The following MVB12B variants were observed in gnomAD, a reference collection of about 807,000 sequenced individuals.
The protein encoded by MVB12B is ESCRT-I complex subunit MVB12B.
MVB12B carries 16 observed loss-of-function variants against 41.6 expected under a neutral mutation model. That is an observed-to-expected ratio of 0.38 (90% CI 0.26 to 0.58). The LOEUF is 0.58. Among genes scored for constraint, MVB12B ranks in the 20% least tolerant of loss-of-function variants. MVB12B has a pLI of 0.62. For synonymous variants in MVB12B, 133 were observed against 139.7 expected (o/e 0.95, Z 0.34); for missense variants, 274 against 380.2 (o/e 0.72, Z 2.32).
At position 126,386,554 on chromosome 9, in the gene MVB12B, T is replaced by G. The variant is rs1207866024; in HGVS notation, c.313-8T>G. On this transcript the variant is annotated splice_polypyrimidine_tract_variant and splice_region_variant and intron_variant, in intron 3 of 9. Coordinates refer to ENST00000361171, the MANE Select transcript of MVB12B (RefSeq NM_033446.3). The surrounding 1 kb of genome is among the most constrained non-coding windows in gnomAD (Gnocchi z 4.3). ...TAATAGTCTGTATCTCTTTTCTTTCTTCCCAAGAGTCATCTGGGGAACGTG... is the reference window on the plus strand; with the variant it reads ...TAATAGTCTGTATCTCTTTTCTTTCGTCCCAAGAGTCATCTGGGGAACGTG... 1.2e-6 allele frequency: 2 copies of G among 1,609,986 alleles called. No individual in the cohort carries two copies. The highest frequency in any genetic ancestry group is 3.3e-5 in the Admixed American group (2 of 60,012).
At chr9:126,335,449 T>C (rs1829247547) in intron 1 of MVB12B, 1 of 1,280,362 alleles carries the variant, frequency 7.8e-7, no homozygotes, top group Non-Finnish European at 1.0e-6. Context: ...GCTGGGTTTG[T>C]GTGTGTGGTG....
intron 1 of MVB12B, among the ~76,000 whole-genome samples, chr9:126,331,182 ACT>A (rs1374098139): frequency 6.6e-6 from 1 of 152,208 alleles, no homozygotes; most frequent in Non-Finnish European, 1.5e-5. Flanking sequence ...GAACCACCAC[ACT>A]GTTTTCCATA....
At chr9:126,365,437 A>G (rs1383851082) in intron 2 of MVB12B, among the ~76,000 whole-genome samples, 1 of 150,180 alleles carries the variant, frequency 6.7e-6, no homozygotes, top group Non-Finnish European at 1.5e-5. Context: ...GGTTCAAGTG[A>G]TTCTCCTGTC....
intron 1 of MVB12B, among the ~76,000 whole-genome samples, chr9:126,332,884 C>CT (rs1179845379): frequency 6.6e-6 from 1 of 152,208 alleles, no homozygotes; most frequent in African/African-American, 2.4e-5. Context: ...CTTTGAGTAA[C>CT]TTACGGTCTG....
At chr9:126,494,137 T>C (rs1409219495) in intron 9 of MVB12B, among the ~76,000 whole-genome samples, 1 of 152,226 alleles carries the variant, frequency 6.6e-6, no homozygotes, top group Non-Finnish European at 1.5e-5. Flanking sequence ...CATCTATTTC[T>C]GTTTTCCTAA....
chr9:126,428,884 T>C (rs1832255142), intron 7 of MVB12B, among the ~76,000 whole-genome samples: 1 of 152,128 alleles, frequency 6.6e-6, no homozygotes, highest in Non-Finnish European at 1.5e-5. Flanking sequence ...GCCCTTGTCT[T>C]CAGTGGATAT....
intron 8 of MVB12B, 78 bp downstream of exon 8, chr9:126,481,502 G>T: frequency 2.8e-6 from 3 of 1,076,148 alleles, no homozygotes; most frequent in East Asian, 2.4e-5. Flanking sequence ...TACACAGCAC[G>T]CAGGGCTGTT....
chr9:126,363,113 G>A (rs1319554952), intron 2 of MVB12B, among the ~76,000 whole-genome samples: 1 of 151,894 alleles, frequency 6.6e-6, no homozygotes, highest in East Asian at 1.9e-4. Flanking sequence ...CTTTAACCTG[G>A]GAGGTGGAGG....
At position 126,392,165 on chromosome 9, in the gene MVB12B, A is replaced by G. The variant is rs758687675; in HGVS notation, c.509A>G (p.Lys170Arg). Residue 170 changes from lysine (K) to arginine (R), a missense_variant, in exon 5 of 10, where the codon AAG becomes AGG. By Grantham distance (26) the Lys-to-Arg change is conservative. Transcript: ENST00000361171. The surrounding 1 kb of genome is among the most constrained non-coding windows in gnomAD (Gnocchi z 4.8). ...GACATTCGGATCATGGGCCGGACCA[A>G]GCAGGCCCCGCCTCAGTACACGTTT... ...ICDIRIMGRT[K>R]QAPPQYTFIG... 6.2e-7 allele frequency: 1 copy of G among 1,614,180 alleles called. No individual in the cohort carries two copies. Among genetic ancestry groups the G allele is most frequent in the Non-Finnish European group, 8.5e-7 (1 of 1,180,022 alleles).
chr9:126,444,356 A>G (rs1183041664), intron 7 of MVB12B, among the ~76,000 whole-genome samples: 1 of 152,114 alleles, frequency 6.6e-6, no homozygotes, highest in Non-Finnish European at 1.5e-5. Flanking sequence ...GGTTTTCCAC[A>G]CAAGACTTGC....
chr9:126,413,929 C>T (rs898318144), intron 6 of MVB12B, among the ~76,000 whole-genome samples: 8 of 151,852 alleles, frequency 5.3e-5, no homozygotes, highest in African/African-American at 1.5e-4. Flanking sequence ...ACCACTCTCT[C>T]GACGCTGCCC....
intron 2 of MVB12B, among the ~76,000 whole-genome samples, chr9:126,375,720 C>T (rs1278277690): frequency 6.6e-6 from 1 of 152,188 alleles, no homozygotes; most frequent in Middle Eastern, 3.2e-3. Flanking sequence ...CCTTGCACAT[C>T]GGCAAAGGTC....
intron 7 of MVB12B, among the ~76,000 whole-genome samples, chr9:126,430,309 C>A (rs1832296459): frequency 6.6e-6 from 1 of 152,162 alleles, no homozygotes; most frequent in African/African-American, 2.4e-5. Flanking sequence ...CTGGGTCGCT[C>A]CCTGCGTCCT....
intron 7 of MVB12B, among the ~76,000 whole-genome samples, chr9:126,424,613 C>T (rs907439359): frequency 1.3e-5 from 2 of 152,238 alleles, no homozygotes; most frequent in African/African-American, 4.8e-5. Context: ...TGTTCTTTCA[C>T]ATCCACTCAG....
intron 9 of MVB12B, among the ~76,000 whole-genome samples, chr9:126,489,834 C>G (rs741022): frequency 0.4 from 60,916 of 152,000 alleles, 13,020 homozygotes; most frequent in East Asian, 0.7. Flanking sequence ...CTCATCGTCC[C>G]TCAGCCAGGG....
intron 3 of MVB12B, among the ~76,000 whole-genome samples, chr9:126,381,698 C>T (rs868342978): frequency 1.6e-4 from 24 of 151,738 alleles, no homozygotes; most frequent in Middle Eastern, 6.8e-3. Context: ...CAAATACTTG[C>T]ACCTGTAAAT....
In MVB12B at chr9:126,340,046, A is replaced by G. The variant is rs1829398068; in HGVS notation, c.82-462A>G. Among the ~76,000 whole-genome samples, 1 of 152,214 alleles carries G rather than the reference A, an allele frequency of 6.6e-6. No homozygotes were observed. Among genetic ancestry groups the G allele is most frequent in the South Asian group, 2.1e-4 (1 of 4,834 alleles). Reference sequence around the variant, plus strand: ...TTTGCAACATTCCTTGCTTCTTTGCAAAGCTCTGCGTGCTGAAGGCCTAAC... The same window carrying G: ...TTTGCAACATTCCTTGCTTCTTTGCGAAGCTCTGCGTGCTGAAGGCCTAAC... On this transcript the variant is annotated intron_variant, in intron 1 of 9. Coordinates refer to ENST00000361171, the MANE Select transcript of MVB12B (RefSeq NM_033446.3). This position sits in a 1 kb window ranked among gnomAD's most constrained non-coding sequence, Gnocchi z 4.0.
At chr9:126,384,703 A>AT (rs1347184575) in intron 3 of MVB12B, among the ~76,000 whole-genome samples, 4 of 151,152 alleles carry the variant, frequency 2.6e-5, no homozygotes, top group African/African-American at 9.7e-5. Flanking sequence ...TAATTTTTGT[A>AT]TTTTTTTTAA....
chr9:126,423,939 C>A (rs138089586), intron 7 of MVB12B, among the ~76,000 whole-genome samples: 1 of 152,340 alleles, frequency 6.6e-6, no homozygotes, highest in East Asian at 1.9e-4. Flanking sequence ...GGCCCTAGCC[C>A]TTGCCCAGTA....
Sources: gnomAD v4.1 joint callset for allele counts (sites outside exome capture counted in the v4.1 genomes callset) on GRCh38, gnomAD v4.1.1 for gene constraint, Gnocchi (gnomAD v3.1) non-coding constraint, MANE v1.5 for transcripts, NCBI Gene and HGNC (gene_info 2026-07-23, HGNC 2026-07-21) for gene names.